CNBD1: variants seen among roughly 807,000 people sequenced by gnomAD.
CNBD1 encodes the protein cyclic nucleotide-binding domain-containing protein 1.
Under a neutral mutation model 54.4 loss-of-function variants are expected in CNBD1, and 71 were observed. The ratio of observed to expected loss-of-function variants is 1.30; its 90% CI spans 1.08 to 1.59. The LOEUF (loss-of-function observed/expected upper bound fraction) is 1.59. CNBD1 is among the 40% of genes most tolerant of loss of function. The pLI is 0.00. For synonymous variants in CNBD1, 182 were observed against 170.7 expected (o/e 1.07, Z -0.51); for missense variants, 659 against 518.0 (o/e 1.27, Z -2.64).
chr8:87,218,221 T>A (rs1814254501), intron 5 of CNBD1, among the ~76,000 whole-genome samples: 2 of 152,096 alleles, frequency 1.3e-5, no homozygotes, highest in South Asian at 4.1e-4. Flanking sequence ...TGGTTAGACA[T>A]AATAGTTACT....
chr8:87,157,500 G>A (rs1007250875), intron 4 of CNBD1, among the ~76,000 whole-genome samples: 4 of 152,248 alleles, frequency 2.6e-5, no homozygotes, highest in African/African-American at 4.8e-5. Flanking sequence ...ACTTGGAGTC[G>A]TTGACAACTG....
At chr8:86,915,535 C>T (rs1193050050) in intron 3 of CNBD1, among the ~76,000 whole-genome samples, 6 of 152,164 alleles carry the variant, frequency 3.9e-5, no homozygotes, top group Non-Finnish European at 8.8e-5. Context: ...TAGCTCGGCC[C>T]ATGCCCAGGA....
chr8:87,215,501 T>C (rs1281464491), intron 5 of CNBD1, among the ~76,000 whole-genome samples: 1 of 149,354 alleles, frequency 6.7e-6, no homozygotes, highest in South Asian at 2.1e-4. Context: ...GGCAGGAGAA[T>C]GGTGTGAACC....
At chr8:86,881,834 A>G (rs1808610396) in intron 1 of CNBD1, among the ~76,000 whole-genome samples, 1 of 152,194 alleles carries the variant, frequency 6.6e-6, no homozygotes, top group African/African-American at 2.4e-5. Context: ...GACCAATGGA[A>G]CAGAGTAGTG....
intron 2 of CNBD1, among the ~76,000 whole-genome samples, chr8:87,390,535 A>G (rs543656340): frequency 1.3e-5 from 2 of 152,222 alleles, no homozygotes; most frequent in African/African-American, 2.4e-5. Flanking sequence ...TCAAAACCAT[A>G]GTGCGATATC....
intron 6 of CNBD1, among the ~76,000 whole-genome samples, chr8:87,251,290 A>C (rs1303083336): frequency 6.6e-6 from 1 of 152,138 alleles, no homozygotes; most frequent in Non-Finnish European, 1.5e-5. Flanking sequence ...AGTCTTTCTT[A>C]GAAATTGGAT....
chr8:87,338,422 G>T (rs1227025281), intron 8 of CNBD1, among the ~76,000 whole-genome samples: 2 of 151,968 alleles, frequency 1.3e-5, no homozygotes, highest in African/African-American at 4.8e-5. Context: ...TACTTTTGAA[G>T]GATAATTTTT....
chr8:87,113,870 G>T (rs945711965), intron 4 of CNBD1, among the ~76,000 whole-genome samples: 3 of 151,212 alleles, frequency 2.0e-5, no homozygotes, highest in Non-Finnish European at 2.9e-5. Context: ...AGTGAGCCGA[G>T]ATCGCGCCAC....
rs540552742 is a variant in CNBD1, at chr8:86,868,968, G to A, written c.88+2385G>A. Among the ~76,000 whole-genome samples the A allele has an allele frequency of 2.6e-5, 4 of 152,276 alleles. No individual in the cohort carries two copies. In the South Asian group the frequency reaches 8.3e-4, roughly 32 times the overall value. The stretch of plus-strand genomic sequence containing the variant: ...GCGAGAGAGTCAGAATGATATGTGA[G>A]AAAGACTCGACTGGCCCTTGCTGGC... On this transcript the variant is annotated intron_variant, in intron 1 of 10. Coordinates refer to ENST00000518476, the MANE Select transcript of CNBD1 (RefSeq NM_173538.3).
At chr8:87,398,522 C>A (rs1312553604) in intron 2 of CNBD1, among the ~76,000 whole-genome samples, 1 of 151,942 alleles carries the variant, frequency 6.6e-6, no homozygotes, top group Non-Finnish European at 1.5e-5. Context: ...TGATCCCTCT[C>A]AATTTTTCCA....
chr8:87,419,591 C>T (rs1019179158), intron 2 of CNBD1, among the ~76,000 whole-genome samples: 3 of 151,818 alleles, frequency 2.0e-5, no homozygotes, highest in Non-Finnish European at 4.4e-5. Flanking sequence ...TATAGCCCAA[C>T]AGTGGAGATC....
At chr8:87,010,180 C>T (rs1013030675) in intron 4 of CNBD1, among the ~76,000 whole-genome samples, 3 of 152,146 alleles carry the variant, frequency 2.0e-5, no homozygotes, top group Non-Finnish European at 4.4e-5. Context: ...GAAAACCAGA[C>T]ATAGGCTTCT....
chr8:87,422,872 C>A (rs1161743952), intron 2 of CNBD1, among the ~76,000 whole-genome samples: 3 of 152,100 alleles, frequency 2.0e-5, no homozygotes, highest in Admixed American at 1.3e-4. Flanking sequence ...GGCAGTATGG[C>A]CATTTTCACG....
intron 4 of CNBD1, among the ~76,000 whole-genome samples, chr8:86,942,941 A>C (rs1157047519): frequency 1.3e-5 from 2 of 152,182 alleles, no homozygotes; most frequent in African/African-American, 4.8e-5. Flanking sequence ...TCTCTGACTA[A>C]TTAAACCATG....
chr8:87,090,608 T>C (rs1024904795), intron 4 of CNBD1, among the ~76,000 whole-genome samples: 1 of 152,002 alleles, frequency 6.6e-6, no homozygotes, highest in Non-Finnish European at 1.5e-5. Context: ...TCTTCATTTG[T>C]CTGTAAAATC....
rs1305564463 is a variant in CNBD1 at position 87,151,974 on chromosome 8, G to A, written c.432-54019G>A. 2.0e-5 allele frequency among the ~76,000 whole-genome samples: 3 copies of A among 151,948 alleles called. No homozygotes were observed. In the East Asian group the frequency reaches 5.8e-4, roughly 29 times the overall value. ...ATCATCATTATAATAATCACTTTTA[G>A]TACTAAGCACTTTCTTTTTTATCAT... On this transcript the variant is annotated intron_variant, in intron 4 of 10. Coordinates refer to ENST00000518476, the MANE Select transcript of CNBD1 (RefSeq NM_173538.3).
In CNBD1 at chr8:87,157,504, A is replaced by G. The variant is rs146821425; in HGVS notation, c.432-48489A>G. 9.7e-3 allele frequency among the ~76,000 whole-genome samples: 1,472 copies of G among 152,300 alleles called. 25 individuals carry two copies. The highest frequency in any genetic ancestry group is 0.033 in the African/African-American group (1,392 of 41,570). ...ACTGTCCTGTTACTTGGAGTCGTTGACAACTGACTAAACATAGGGACACAT... is the reference window on the plus strand; with the variant it reads ...ACTGTCCTGTTACTTGGAGTCGTTGGCAACTGACTAAACATAGGGACACAT... On this transcript the variant is annotated intron_variant, in intron 4 of 10. Coordinates refer to ENST00000518476, the MANE Select transcript of CNBD1 (RefSeq NM_173538.3).
chr8:87,323,307 T>A (rs1260941578), intron 8 of CNBD1, among the ~76,000 whole-genome samples: 20 of 121,914 alleles, frequency 1.6e-4, no homozygotes, highest in Non-Finnish European at 2.8e-4. Flanking sequence ...TGGTTCCATA[T>A]GAACTTTAAA....
chr8:86,913,029 G>C (rs1438604254), intron 3 of CNBD1, among the ~76,000 whole-genome samples: 1 of 152,158 alleles, frequency 6.6e-6, no homozygotes, highest in Non-Finnish European at 1.5e-5. Context: ...TTGTACAGCT[G>C]TACAATGTGT....
Sources: allele counts gnomAD v4.1 joint callset (sites outside exome capture counted in the v4.1 genomes callset), GRCh38; gene constraint gnomAD v4.1.1; transcripts MANE v1.5; gene names NCBI Gene and HGNC (gene_info 2026-07-23, HGNC 2026-07-21).